MCHR2: variants seen among roughly 807,000 people sequenced by gnomAD.
MCHR2 encodes the protein melanin concentrating hormone receptor 2.
A neutral mutation model predicts 24.8 loss-of-function variants in MCHR2; 15 were observed. That is an observed-to-expected ratio of 0.60 (90% CI 0.40 to 0.93). The LOEUF (loss-of-function observed/expected upper bound fraction) is 0.93, where lower values mean the gene tolerates loss of function less well. Among genes scored for constraint, MCHR2 ranks in the 40% least tolerant of loss-of-function variants. The pLI is 0.00. For missense variants in MCHR2, 386 were observed against 408.7 expected (o/e 0.94, Z 0.48); for synonymous variants, 151 against 147.6 (o/e 1.02, Z -0.17).
intron 1 of MCHR2, 49 bp from the exon 2 acceptor site, chr6:99,956,223 A>G (rs200616932): frequency 7.1e-6 from 9 of 1,265,058 alleles, no homozygotes; most frequent in Non-Finnish European, 9.8e-6. Context: ...CCCTCAATAT[A>G]ACTTCCTTTA....
At chr6:99,992,014 T>C (rs1775891742) in intron 1 of MCHR2, among the ~76,000 whole-genome samples, 1 of 152,204 alleles carries the variant, frequency 6.6e-6, no homozygotes, top group African/African-American at 2.4e-5. Flanking sequence ...TAAAAATAAA[T>C]GCATAAGGGA....
chr6:99,976,510 T>C (rs1411100160), intron 1 of MCHR2, among the ~76,000 whole-genome samples: 1 of 152,214 alleles, frequency 6.6e-6, no homozygotes, highest in African/African-American at 2.4e-5. Flanking sequence ...GCCCTAGTTG[T>C]GTAGCCATAG....
intron 1 of MCHR2, among the ~76,000 whole-genome samples, chr6:99,992,293 C>T (rs1775898136): frequency 6.6e-6 from 1 of 152,204 alleles, no homozygotes; most frequent in African/African-American, 2.4e-5. Context: ...GAGGCTCCCT[C>T]CCGCACACCT....
At chr6:99,930,309 T>G (rs1474683003) in intron 5 of MCHR2, among the ~76,000 whole-genome samples, 1 of 152,162 alleles carries the variant, frequency 6.6e-6, no homozygotes, top group African/African-American at 2.4e-5. Flanking sequence ...ATCTGACTAT[T>G]ATGTGTCTTG....
rs190302346 is a variant in MCHR2 at position 99,957,273 on chromosome 6, T to A, written c.-27-1099A>T. 4.6e-4 allele frequency among the ~76,000 whole-genome samples: 70 copies of A among 152,274 alleles called. 1 individual carries two copies. The highest frequency in any genetic ancestry group is 3.4e-3 in the Middle Eastern group (1 of 294). ...AGGGGCTTCATAATTAAGTGTATTT[T>A]ATCTAGTCAGATTAAGAAAGTTCCC... On this transcript the variant is annotated intron_variant, in intron 1 of 5. Coordinates refer to ENST00000281806, the MANE Select transcript of MCHR2 (RefSeq NM_001040179.2).
At chr6:99,931,918 C>T (rs868080330) in intron 5 of MCHR2, among the ~76,000 whole-genome samples, 5 of 152,264 alleles carry the variant, frequency 3.3e-5, no homozygotes, top group East Asian at 1.9e-4. Flanking sequence ...AGAAATCACC[C>T]GTCTTCTGCG....
chr6:99,930,629 A>T (rs1351929338), intron 5 of MCHR2, among the ~76,000 whole-genome samples: 1 of 152,146 alleles, frequency 6.6e-6, no homozygotes, highest in Non-Finnish European at 1.5e-5. Context: ...ATCGATCGCC[A>T]TCAGCTCCTG....
intron 2 of MCHR2, among the ~76,000 whole-genome samples, chr6:99,955,448 G>A (rs1775040439): frequency 6.6e-6 from 1 of 152,124 alleles, no homozygotes; most frequent in African/African-American, 2.4e-5. Context: ...CACTACCTAT[G>A]ACTTCCTGCA....
chr6:99,964,812 G>A (rs376858374), intron 1 of MCHR2, among the ~76,000 whole-genome samples: 1 of 152,052 alleles, frequency 6.6e-6, no homozygotes, highest in Non-Finnish European at 1.5e-5. Flanking sequence ...ATACTATATA[G>A]CACTGGATGG....
At chr6:99,939,967 A>C (rs187367576) in intron 4 of MCHR2, among the ~76,000 whole-genome samples, 1 of 147,790 alleles carries the variant, frequency 6.8e-6, no homozygotes, top group African/African-American at 2.5e-5. Context: ...GATGAATTAG[A>C]GCTCCTTTAT....
At chr6:99,967,320 G>T (rs978022491) in intron 1 of MCHR2, among the ~76,000 whole-genome samples, 4 of 152,034 alleles carry the variant, frequency 2.6e-5, no homozygotes, top group Non-Finnish European at 5.9e-5. Context: ...AAGGAGAAAT[G>T]CATTTAAAGA....
chr6:99,991,740 G>A (rs1775880805), intron 1 of MCHR2, among the ~76,000 whole-genome samples: 1 of 146,032 alleles, frequency 6.8e-6, no homozygotes. Flanking sequence ...CCGGGAGGCG[G>A]AGCTTGCAGT....
At chr6:99,947,165 T>C (rs1774886596) in intron 3 of MCHR2, among the ~76,000 whole-genome samples, 1 of 152,130 alleles carries the variant, frequency 6.6e-6, no homozygotes, top group South Asian at 2.1e-4. Context: ...TCTAATAATA[T>C]AAAATAACAG....
intron 1 of MCHR2, among the ~76,000 whole-genome samples, chr6:99,957,903 T>C (rs1775097282): frequency 6.6e-6 from 1 of 152,096 alleles, no homozygotes; most frequent in Non-Finnish European, 1.5e-5. Flanking sequence ...AATCTATAGA[T>C]GTCAATTTTC....
At chr6:99,993,719 C>T (rs1775931389) in intron 1 of MCHR2, among the ~76,000 whole-genome samples, 1 of 152,300 alleles carries the variant, frequency 6.6e-6, no homozygotes, top group Admixed American at 6.5e-5. Context: ...CACCCACCCG[C>T]CCCGCTCCGT....
chr6:99,939,708 G>GT lies in MCHR2; in HGVS notation c.587+3240dup, dbSNP rs1554193875. On this transcript the variant is annotated intron_variant, in intron 4 of 5. Coordinates refer to ENST00000281806, the MANE Select transcript of MCHR2 (RefSeq NM_001040179.2). Reference sequence around the variant, plus strand: ...AAGTATTTTCTTTTTGCACATTAGTGTTTTTTTTTTTTTCTTTCCAACAGA... The same window carrying GT: ...AAGTATTTTCTTTTTGCACATTAGTGTTTTTTTTTTTTTTCTTTCCAACAGA... 5.3e-3 allele frequency among the ~76,000 whole-genome samples: 761 copies of GT among 142,682 alleles called. 4 individuals carry two copies. The highest frequency in any genetic ancestry group is 0.012 in the African/African-American group (466 of 39,388). 93.6% of individuals were successfully genotyped at this position (142,682 alleles called of 152,430 possible). A position where few individuals can be genotyped will look rare whatever the true frequency, so the allele number is the denominator to read the frequency against.
intron 5 of MCHR2, among the ~76,000 whole-genome samples, chr6:99,932,257 A>G (rs1774561810): frequency 6.6e-6 from 1 of 152,234 alleles, no homozygotes; most frequent in Non-Finnish European, 1.5e-5. Flanking sequence ...GCATTAAATT[A>G]TGACTCAATG....
At chr6:99,934,259 A>C (rs761915658) in intron 5 of MCHR2, 139 bp downstream of exon 5, 16 of 813,118 alleles carry the variant, frequency 2.0e-5, no homozygotes, top group Non-Finnish European at 2.7e-5. Flanking sequence ...TTTTCCAAAA[A>C]TTTTTTCTAT....
intron 5 of MCHR2, among the ~76,000 whole-genome samples, chr6:99,932,378 C>A (rs1028995301): frequency 3.3e-5 from 5 of 152,180 alleles, no homozygotes; most frequent in Admixed American, 1.3e-4. Context: ...GGGATTGTTA[C>A]ATAGATACTC....
Sources: allele counts gnomAD v4.1 joint callset (sites outside exome capture counted in the v4.1 genomes callset), GRCh38; gene constraint gnomAD v4.1.1; transcripts MANE v1.5; gene names NCBI Gene and HGNC (gene_info 2026-07-23, HGNC 2026-07-21).